DNAJC1: variants seen among roughly 807,000 people sequenced by gnomAD.
DNAJC1 encodes dnaJ homolog subfamily C member 1.
Under a neutral mutation model 76.6 loss-of-function variants are expected in DNAJC1, and 58 were observed. The observed-to-expected ratio is 0.76, with a 90% CI of 0.61 to 0.94. The LOEUF (loss-of-function observed/expected upper bound fraction) is 0.94. Ranked by LOEUF, DNAJC1 falls within the 40% of genes least tolerant of loss-of-function variation. DNAJC1 has a pLI of 0.00. For synonymous variants in DNAJC1, 258 were observed against 267.9 expected, an observed-to-expected ratio of 0.96 and a Z score of 0.36; for missense variants, 689 against 677.3, an observed-to-expected ratio of 1.02 and a Z score of -0.19.
At chr10:21,834,302 T>C (rs1268300109) in intron 8 of DNAJC1, among the ~76,000 whole-genome samples, 1 of 151,986 alleles carries the variant, frequency 6.6e-6, no homozygotes, top group Non-Finnish European at 1.5e-5. Flanking sequence ...GGCTCCCCAG[T>C]GAAACGTTGT....
intron 7 of DNAJC1, 43 bp downstream of exon 7, chr10:21,904,478 TA>T: frequency 8.3e-7 from 1 of 1,211,924 alleles, no homozygotes; most frequent in Non-Finnish European, 1.1e-6. Flanking sequence ...TTTAAATAAT[TA>T]ATTTTATATG....
intron 1 of DNAJC1, among the ~76,000 whole-genome samples, chr10:21,953,668 T>C (rs1392725041): frequency 6.6e-6 from 1 of 151,760 alleles, no homozygotes; most frequent in Non-Finnish European, 1.5e-5. Context: ...ATATAAGTAA[T>C]ATCACCTAGA....
intron 8 of DNAJC1, among the ~76,000 whole-genome samples, chr10:21,849,651 A>T (rs1213990254): frequency 6.6e-6 from 1 of 152,166 alleles, no homozygotes; most frequent in African/African-American, 2.4e-5. Context: ...AGTCTGACAA[A>T]GACAGCATGA....
chr10:21,950,651 A>C (rs1302383879), intron 1 of DNAJC1, among the ~76,000 whole-genome samples: 1 of 152,238 alleles, frequency 6.6e-6, no homozygotes, highest in Admixed American at 6.5e-5. Flanking sequence ...CTCTTGCACC[A>C]AACAGGCAAG....
At chr10:21,786,097 C>T (rs1316547412) in intron 9 of DNAJC1, among the ~76,000 whole-genome samples, 1 of 151,768 alleles carries the variant, frequency 6.6e-6, no homozygotes, top group Non-Finnish European at 1.5e-5. Context: ...AGGATACAGG[C>T]GCGTGAGGCA....
intron 1 of DNAJC1, among the ~76,000 whole-genome samples, chr10:21,962,705 A>C (rs1359785733): frequency 1.4e-5 from 2 of 139,678 alleles, no homozygotes; most frequent in African/African-American, 5.4e-5. Context: ...GCGGGTCTTG[A>C]ACTCCACCAT....
chr10:21,950,421 G>A (rs1411763526), intron 1 of DNAJC1, among the ~76,000 whole-genome samples: 5 of 152,060 alleles, frequency 3.3e-5, no homozygotes, highest in Non-Finnish European at 5.9e-5. Context: ...TGACTGATCC[G>A]ACGACCAGCT....
chr10:21,915,743 A>G (rs1754032580), intron 6 of DNAJC1, among the ~76,000 whole-genome samples: 1 of 152,186 alleles, frequency 6.6e-6, no homozygotes, highest in Non-Finnish European at 1.5e-5. Context: ...GTAAGAAATA[A>G]GAATTGTTTC....
At chr10:21,824,598 G>A (rs762112270) in intron 8 of DNAJC1, among the ~76,000 whole-genome samples, 3 of 152,116 alleles carry the variant, frequency 2.0e-5, no homozygotes, top group Admixed American at 6.6e-5. Context: ...AGAGATGGAC[G>A]GTGATGGAAG....
At chr10:21,950,447 T>G (rs1311659717) in intron 1 of DNAJC1, among the ~76,000 whole-genome samples, 2 of 152,142 alleles carry the variant, frequency 1.3e-5, no homozygotes, top group African/African-American at 4.8e-5. Context: ...CCCATCTCTC[T>G]CTTTCTCTTT....
At chr10:21,835,185 G>A (rs1022861943) in intron 8 of DNAJC1, among the ~76,000 whole-genome samples, 4 of 152,186 alleles carry the variant, frequency 2.6e-5, no homozygotes, top group Non-Finnish European at 4.4e-5. Flanking sequence ...CCGCTGTTCT[G>A]CAGCCACCGC....
intron 10 of DNAJC1, 114 bp downstream of exon 10, chr10:21,766,147 A>G (rs1443179070): frequency 2.4e-6 from 2 of 821,596 alleles, no homozygotes; most frequent in Middle Eastern, 5.0e-4. Flanking sequence ...GACCAGATTT[A>G]GAGTTCATTA....
intron 1 of DNAJC1, among the ~76,000 whole-genome samples, chr10:21,931,772 T>C (rs993871076): frequency 6.6e-6 from 1 of 152,224 alleles, no homozygotes; most frequent in Non-Finnish European, 1.5e-5. Context: ...GCCTGAATGT[T>C]AGAACATTCA....
chr10:21,774,032 T>C (rs1589974975), intron 9 of DNAJC1, among the ~76,000 whole-genome samples: 1 of 148,534 alleles, frequency 6.7e-6, no homozygotes, highest in Non-Finnish European at 1.5e-5. Context: ...TCCCAGCTAC[T>C]TGGGAGGCTG....
At chr10:21,878,015 C>T (rs899520031) in intron 8 of DNAJC1, among the ~76,000 whole-genome samples, 3 of 152,190 alleles carry the variant, frequency 2.0e-5, no homozygotes, top group Admixed American at 6.5e-5. Context: ...CCTAAGTTCA[C>T]GTTGTTGTCT....
chr10:21,952,470 A>G (rs1456160878), intron 1 of DNAJC1, among the ~76,000 whole-genome samples: 1 of 152,162 alleles, frequency 6.6e-6, no homozygotes, highest in East Asian at 1.9e-4. Context: ...TTTTAAAGAC[A>G]GGGTCAGGCA....
chr10:21,796,020 A>G (rs1589983675), intron 9 of DNAJC1, among the ~76,000 whole-genome samples: 2 of 136,094 alleles, frequency 1.5e-5, no homozygotes, highest in African/African-American at 2.8e-5. Flanking sequence ...CCCAGGCTGG[A>G]GTGTAGTGGC....
intron 3 of DNAJC1, among the ~76,000 whole-genome samples, 186 bp from the exon 4 acceptor site, chr10:21,921,149 C>T (rs1047224885): frequency 1.3e-5 from 2 of 151,922 alleles, no homozygotes; most frequent in African/African-American, 4.8e-5. Context: ...GTCACTGACA[C>T]CCTTCAAAAA....
intron 8 of DNAJC1, among the ~76,000 whole-genome samples, chr10:21,837,449 C>A (rs994777259): frequency 2.1e-4 from 32 of 152,098 alleles, no homozygotes; most frequent in African/African-American, 7.2e-4. Context: ...CGGCCGCCAT[C>A]CCGTCTAGGA....
Sources: allele counts gnomAD v4.1 joint callset (sites outside exome capture counted in the v4.1 genomes callset), GRCh38; gene constraint gnomAD v4.1.1; transcripts MANE v1.5; gene names NCBI Gene and HGNC (gene_info 2026-07-23, HGNC 2026-07-21).